The following FILIP1L variants were observed in gnomAD, a reference collection of about 807,000 sequenced individuals.
FILIP1L encodes the protein filamin A-interacting protein 1-like.
FILIP1L carries 55 observed loss-of-function variants against 96.6 expected under a neutral mutation model. The observed-to-expected ratio is 0.57, with a 90% CI of 0.46 to 0.71. The LOEUF is 0.71. Ranked by LOEUF, FILIP1L falls within the 30% of genes least tolerant of loss-of-function variation. The probability of loss-of-function intolerance (pLI) is 0.00; values close to 1 mark genes in which losing one functional copy is unlikely to be tolerated. For synonymous variants in FILIP1L, 467 were observed against 473.9 expected (o/e 0.99, Z 0.19); for missense variants, 1,304 against 1,321.2 (o/e 0.99, Z 0.20).
chr3:99,927,757 T>C (rs1324258104), intron 3 of FILIP1L, among the ~76,000 whole-genome samples: 2 of 152,186 alleles, frequency 1.3e-5, no homozygotes, highest in African/African-American at 2.4e-5. Context: ...TATAGAACCC[T>C]AGGCTGGAAA....
intron 1 of FILIP1L, among the ~76,000 whole-genome samples, chr3:100,044,914 A>G (rs2065255895): frequency 6.6e-6 from 1 of 152,170 alleles, no homozygotes; most frequent in South Asian, 2.1e-4. Context: ...GCAGAATAGT[A>G]GTGTCTCTGA....
intron 1 of FILIP1L, among the ~76,000 whole-genome samples, chr3:100,075,269 A>T (rs1351409828): frequency 6.6e-6 from 1 of 152,204 alleles, no homozygotes; most frequent in Non-Finnish European, 1.5e-5. Flanking sequence ...TGGACTTCTA[A>T]TGACACAAGA....
chr3:99,874,395 A>G (rs1309317016), intron 4 of FILIP1L: 1 of 152,172 alleles, frequency 6.6e-6, no homozygotes, highest in East Asian at 1.9e-4. Flanking sequence ...ATTACCGCTT[A>G]TATCAGATAA....
intron 1 of FILIP1L, among the ~76,000 whole-genome samples, chr3:99,999,697 G>T (rs1486704806): frequency 6.6e-6 from 1 of 152,064 alleles, no homozygotes; most frequent in Non-Finnish European, 1.5e-5. Flanking sequence ...TTTATGATTT[G>T]CCAGAAGTTC....
intron 4 of FILIP1L, among the ~76,000 whole-genome samples, chr3:99,879,030 T>A (rs1039405351): frequency 3.3e-5 from 5 of 152,244 alleles, no homozygotes; most frequent in African/African-American, 1.2e-4. Flanking sequence ...CTTCCTAACC[T>A]TGTTCTGTCC....
intron 1 of FILIP1L, among the ~76,000 whole-genome samples, chr3:99,998,174 A>G (rs1395647919): frequency 1.3e-5 from 2 of 152,232 alleles, no homozygotes; most frequent in Non-Finnish European, 2.9e-5. Flanking sequence ...CTGAAAAGTT[A>G]TTAATGGCAA....
chr3:100,064,381 C>G (rs768829623), intron 1 of FILIP1L, among the ~76,000 whole-genome samples: 48 of 152,112 alleles, frequency 3.2e-4, no homozygotes, highest in Non-Finnish European at 6.5e-4. Context: ...CCAGCTAATC[C>G]TGACCCCCCC....
intron 1 of FILIP1L, among the ~76,000 whole-genome samples, chr3:100,036,509 T>C (rs1362897034): frequency 6.6e-6 from 1 of 152,236 alleles, no homozygotes; most frequent in Non-Finnish European, 1.5e-5. Flanking sequence ...ATGAGTTTGT[T>C]CATGGTGATA....
chr3:100,021,954 TGTGTGTGAGAGAGAGAGAGAGAGA>T (rs1212052469), intron 1 of FILIP1L, among the ~76,000 whole-genome samples: 2 of 114,348 alleles, frequency 1.7e-5, no homozygotes, highest in Non-Finnish European at 3.7e-5. Flanking sequence ...TGTGTGTGTG[TGTGTGTGAGAGAGAGAGAGAGAGA>T]GAGAGAGAGA....
intron 4 of FILIP1L, chr3:99,898,069 T>G (rs1706316930): frequency 6.6e-6 from 1 of 152,228 alleles, no homozygotes; most frequent in African/African-American, 2.4e-5. Context: ...GTATTTATTT[T>G]TAAATAGGCT....
At chr3:100,060,323 T>G (rs1019079401) in intron 1 of FILIP1L, among the ~76,000 whole-genome samples, 6 of 152,088 alleles carry the variant, frequency 3.9e-5, no homozygotes, top group Non-Finnish European at 2.9e-5. Flanking sequence ...TTTAACTGTT[T>G]CCCACTCCAC....
rs920218573 is a variant in FILIP1L at position 99,851,048 on chromosome 3, C to G, written c.628G>C (p.Glu210Gln). The G allele has an allele frequency of 6.3e-7, 1 of 1,593,010 alleles. No individual in the cohort carries two copies. The highest frequency in any genetic ancestry group is 8.5e-7 in the Non-Finnish European group (1 of 1,173,962). The stretch of plus-strand genomic sequence containing the variant: ...TCCTTCTCCTCCTGAGACTTGATTT[C>G]TTGATCAATTAGCTTCTTTAATCTG... ...CERLKKLIDQ[E>Q]IKSQEEKEQE... The change falls in exon 5 of 6, where the codon GAA (glutamate) becomes CAA (glutamine). Residue 210 changes from glutamate (E) to glutamine (Q), a missense_variant. Glu to Gln is a conservative substitution (Grantham distance 29). Transcript: ENST00000477258.
chr3:99,930,080 T>G (rs751971239), intron 2 of FILIP1L, 51 bp from the exon 3 acceptor site: 6 of 1,458,992 alleles, frequency 4.1e-6, no homozygotes, highest in Non-Finnish European at 5.5e-6. Flanking sequence ...ACCAGCAGTC[T>G]CAGCAAGTGA....
chr3:100,049,351 G>A (rs557505368), intron 1 of FILIP1L, among the ~76,000 whole-genome samples: 2 of 152,094 alleles, frequency 1.3e-5, no homozygotes, highest in Non-Finnish European at 2.9e-5. Flanking sequence ...GGGTCTTACC[G>A]AACTTACCAA....
intron 1 of FILIP1L, among the ~76,000 whole-genome samples, chr3:99,972,507 T>C (rs1387230940): frequency 2.0e-5 from 3 of 152,192 alleles, no homozygotes; most frequent in Non-Finnish European, 2.9e-5. Context: ...AATAACAGAT[T>C]GGTGACACGG....
intron 1 of FILIP1L, among the ~76,000 whole-genome samples, chr3:100,038,299 A>G (rs1473195000): frequency 3.3e-5 from 5 of 152,198 alleles, no homozygotes; most frequent in African/African-American, 9.7e-5. Context: ...AGAAATAATA[A>G]GAAAAGTAAT....
Position 99,913,633 on chromosome 3 carries a change from T to C in FILIP1L, c.605+10597A>G, listed in dbSNP as rs1477525316. 2.0e-5 allele frequency among the ~76,000 whole-genome samples: 3 copies of C among 152,210 alleles called. No individual in the cohort carries two copies. In the East Asian group the frequency reaches 5.8e-4, roughly 29 times the overall value. On this transcript the variant is annotated intron_variant, in intron 4 of 5. Coordinates refer to ENST00000477258, the MANE Select transcript of FILIP1L (RefSeq NM_001387850.1). ...AAAAGTATTGTATGATCTTCATGAATTGCTGATATATGCTTGTAATAATCT... is the reference window on the plus strand; with the variant it reads ...AAAAGTATTGTATGATCTTCATGAACTGCTGATATATGCTTGTAATAATCT...
intron 1 of FILIP1L, among the ~76,000 whole-genome samples, chr3:100,091,263 C>T (rs1212838560): frequency 2.1e-5 from 3 of 140,944 alleles, no homozygotes; most frequent in African/African-American, 5.4e-5. Flanking sequence ...CCAGACTAGG[C>T]GACAGAGCGA....
chr3:99,837,561 T>A (rs1226008822), intron 5 of FILIP1L, among the ~76,000 whole-genome samples: 1 of 152,170 alleles, frequency 6.6e-6, no homozygotes, highest in African/African-American at 2.4e-5. Context: ...AGGGGAGACA[T>A]AGGAGCCAAC....
Sources: gnomAD v4.1 joint callset for allele counts (sites outside exome capture counted in the v4.1 genomes callset) on GRCh38, gnomAD v4.1.1 for gene constraint, MANE v1.5 for transcripts, NCBI Gene and HGNC (gene_info 2026-07-23, HGNC 2026-07-21) for gene names.